NALF1: variants seen among roughly 807,000 people sequenced by gnomAD.
NALF1 encodes the protein family with sequence similarity 155 member A.
Under a neutral mutation model 48.4 loss-of-function variants are expected in NALF1, and 3 were observed. The ratio of observed to expected loss-of-function variants is 0.06; its 90% CI spans 0.03 to 0.16. The LOEUF (loss-of-function observed/expected upper bound fraction) is 0.16, where lower values mean the gene tolerates loss of function less well. Ranked by LOEUF, NALF1 falls within the 10% of genes least tolerant of loss-of-function variation. The pLI, the probability that NALF1 is intolerant of heterozygous loss-of-function variation, is 1.00. For missense variants in NALF1, 526 were observed against 571.5 expected (o/e 0.92, Z 0.81); for synonymous variants, 262 against 245.7 (o/e 1.07, Z -0.62).
chr13:107,505,134 G>T (rs542114044), intron 1 of NALF1, among the ~76,000 whole-genome samples: 2 of 152,348 alleles, frequency 1.3e-5, no homozygotes, highest in South Asian at 2.1e-4. Flanking sequence ...GCAGGTAAAA[G>T]TGGAAGACAG....
chr13:107,670,115 T>C (rs1880955306), intron 1 of NALF1, among the ~76,000 whole-genome samples: 1 of 152,174 alleles, frequency 6.6e-6, no homozygotes, highest in South Asian at 2.1e-4. Flanking sequence ...TTAAAATTAC[T>C]GAAAAGGTTA....
intron 1 of NALF1, among the ~76,000 whole-genome samples, chr13:107,526,891 A>T (rs908896747): frequency 2.6e-5 from 4 of 152,178 alleles, no homozygotes; most frequent in African/African-American, 9.7e-5. Context: ...GACAGCTTGG[A>T]AAGCGTTTGT....
At chr13:107,497,522 G>A (rs1269462654) in intron 1 of NALF1, among the ~76,000 whole-genome samples, 2 of 152,112 alleles carry the variant, frequency 1.3e-5, no homozygotes, top group Admixed American at 6.5e-5. Context: ...GCCATGCTCA[G>A]GAAAGTTACT....
At chr13:107,346,854 G>A (rs1882782306) in intron 1 of NALF1, among the ~76,000 whole-genome samples, 1 of 152,092 alleles carries the variant, frequency 6.6e-6, no homozygotes, top group African/African-American at 2.4e-5. Context: ...AGCATAAACA[G>A]ATGATTTTTA....
intron 1 of NALF1, among the ~76,000 whole-genome samples, chr13:107,297,451 A>G (rs1309955319): frequency 6.6e-6 from 1 of 152,190 alleles, no homozygotes; most frequent in Non-Finnish European, 1.5e-5. Flanking sequence ...TTCCATTTCT[A>G]CAAGTTAAAG....
At chr13:107,409,967 T>C (rs1883961836) in intron 1 of NALF1, among the ~76,000 whole-genome samples, 1 of 152,204 alleles carries the variant, frequency 6.6e-6, no homozygotes, top group South Asian at 2.1e-4. Context: ...ATCTACTGAT[T>C]AAGCATATGC....
chr13:107,255,823 C>G lies in NALF1; in HGVS notation c.916-45068G>C, dbSNP rs577876108. 3.3e-5 allele frequency among the ~76,000 whole-genome samples: 5 copies of G among 152,214 alleles called. No homozygotes were observed. The South Asian group carries it at 1.0e-3, about 32-fold the overall frequency. On this transcript the variant is annotated intron_variant, in intron 1 of 2. Transcript: ENST00000375915. ...AAATCTGAACTCAGTTTTGTCTGTTCTGAAGCCAACCCTTTAATTGCATTT... is the reference window on the plus strand; with the variant it reads ...AAATCTGAACTCAGTTTTGTCTGTTGTGAAGCCAACCCTTTAATTGCATTT...
intron 1 of NALF1, among the ~76,000 whole-genome samples, chr13:107,350,209 T>G (rs1882849106): frequency 6.6e-6 from 1 of 152,188 alleles, no homozygotes. Flanking sequence ...CCTGCTGTAT[T>G]GTACGTAAAA....
chr13:107,211,924 C>T (rs1218085825), intron 1 of NALF1, among the ~76,000 whole-genome samples: 7 of 152,084 alleles, frequency 4.6e-5, no homozygotes, highest in Non-Finnish European at 2.9e-5. Context: ...ACATTTTGAA[C>T]AGGAATAATA....
intron 1 of NALF1, among the ~76,000 whole-genome samples, chr13:107,288,099 G>A (rs551058879): frequency 2.1e-4 from 32 of 151,736 alleles, no homozygotes; most frequent in Non-Finnish European, 3.7e-4. Context: ...AAAATTTCCT[G>A]CTATAACAAA....
intron 1 of NALF1, among the ~76,000 whole-genome samples, chr13:107,310,779 G>GT (rs1487743878): frequency 6.6e-6 from 1 of 152,064 alleles, no homozygotes; most frequent in African/African-American, 2.4e-5. Context: ...CCAGGTTCAA[G>GT]TGATTCTCCT....
At chr13:107,784,589 G>A (rs769034813) in intron 1 of NALF1, among the ~76,000 whole-genome samples, 1 of 152,048 alleles carries the variant, frequency 6.6e-6, no homozygotes, top group Non-Finnish European at 1.5e-5. Context: ...GTGGGCTAAG[G>A]ACATGAATAG....
At chr13:107,379,692 T>C (rs1294448450) in intron 1 of NALF1, among the ~76,000 whole-genome samples, 1 of 152,172 alleles carries the variant, frequency 6.6e-6, no homozygotes, top group Non-Finnish European at 1.5e-5. Flanking sequence ...CTCTTTCTCC[T>C]CTGCTTCACT....
chr13:107,622,485 CAGAG>C (rs767523968), intron 1 of NALF1, among the ~76,000 whole-genome samples: 47 of 146,340 alleles, frequency 3.2e-4, no homozygotes, highest in African/African-American at 1.1e-3. Context: ...AAAAAAAAAA[CAGAG>C]AGAAAAGAAA....
At chr13:107,471,588 G>T (rs1255253705) in intron 1 of NALF1, among the ~76,000 whole-genome samples, 1 of 152,108 alleles carries the variant, frequency 6.6e-6, no homozygotes, top group East Asian at 1.9e-4. Flanking sequence ...GAAATTATTG[G>T]TAATTTATTA....
chr13:107,404,605 T>TA lies in NALF1; in HGVS notation c.916-193851dup, dbSNP rs565349837. On this transcript the variant is annotated intron_variant, in intron 1 of 2. Coordinates refer to ENST00000375915, the MANE Select transcript of NALF1 (RefSeq NM_001080396.3). ...AGGGAACAAATTTGGTATTGAACAA[T>TA]ACACAGAGATGTCAGAGATGATATT... Among the ~76,000 whole-genome samples, 23 of 152,220 alleles carry TA rather than the reference T, an allele frequency of 1.5e-4. No individual in the cohort carries two copies. The South Asian group carries it at 4.8e-3, about 32-fold the overall frequency.
intron 2 of NALF1, among the ~76,000 whole-genome samples, chr13:107,203,048 C>T (rs550541789): frequency 6.6e-6 from 1 of 152,244 alleles, no homozygotes; most frequent in African/African-American, 2.4e-5. Context: ...CAAATTAGTC[C>T]AGTATCCAGA....
In NALF1 at chr13:107,167,517, G is replaced by A. The variant is rs1006246900; in HGVS notation, c.*2980C>T. 1 of 152,230 alleles carries A rather than the reference G, an allele frequency of 6.6e-6. No individual in the cohort carries two copies. The highest frequency in any genetic ancestry group is 1.5e-5 in the Non-Finnish European group (1 of 68,042). The allele number at this position is 152,230 out of a possible 1,614,324, so 9.4% of individuals were successfully genotyped here. A position where few individuals can be genotyped will look rare whatever the true frequency, so the allele number is the denominator to read the frequency against. ...TGTCCAGTGGAAATATTGCGGGAAAGTGGTTACACACTTACACTAATAAAT... is the reference window on the plus strand; with the variant it reads ...TGTCCAGTGGAAATATTGCGGGAAAATGGTTACACACTTACACTAATAAAT... On this transcript the variant is annotated 3_prime_UTR_variant, in exon 3 of 3. Coordinates refer to ENST00000375915, the MANE Select transcript of NALF1 (RefSeq NM_001080396.3).
chr13:107,735,349 G>A (rs1285202152), intron 1 of NALF1, among the ~76,000 whole-genome samples: 2 of 152,196 alleles, frequency 1.3e-5, no homozygotes, highest in African/African-American at 2.4e-5. Flanking sequence ...ATATAACATG[G>A]TTGGATGAGT....
Sources: gnomAD v4.1 joint callset for allele counts (sites outside exome capture counted in the v4.1 genomes callset) on GRCh38, gnomAD v4.1.1 for gene constraint, MANE v1.5 for transcripts, NCBI Gene and HGNC (gene_info 2026-07-23, HGNC 2026-07-21) for gene names.